MAPKBP1: variants seen among roughly 807,000 people sequenced by gnomAD.
MAPKBP1 encodes the protein mitogen-activated protein kinase binding protein 1.
A neutral mutation model predicts 170.5 loss-of-function variants in MAPKBP1; 71 were observed. That is an observed-to-expected ratio of 0.42 (90% CI 0.34 to 0.51). The LOEUF is 0.51. MAPKBP1 is among the 20% of genes least tolerant of loss of function. MAPKBP1 has a pLI of 0.06. For synonymous variants in MAPKBP1, 719 were observed against 757.9 expected, an observed-to-expected ratio of 0.95 and a Z score of 0.84; for missense variants, 1,598 against 1,933.0, an observed-to-expected ratio of 0.83 and a Z score of 3.25.
chr15:41,821,892 A>T, intron 24 of MAPKBP1, 73 bp from the exon 25 acceptor site: 4 of 1,575,040 alleles, frequency 2.5e-6, no homozygotes, highest in Non-Finnish European at 3.5e-6. Flanking sequence ...CCCTGATCAC[A>T]GGCAGGAGTC....
intron 2 of MAPKBP1, among the ~76,000 whole-genome samples, chr15:41,787,182 A>G (rs965459983): frequency 1.3e-5 from 2 of 152,186 alleles, no homozygotes; most frequent in Admixed American, 1.3e-4. Flanking sequence ...GCTTTGATAA[A>G]TATTTTTTGA....
At chr15:41,797,902 C>T (rs2064518820) in intron 2 of MAPKBP1, among the ~76,000 whole-genome samples, 1 of 152,150 alleles carries the variant, frequency 6.6e-6, no homozygotes. Flanking sequence ...TCGGCCACCA[C>T]AGGGCATTTC....
At chr15:41,776,809 G>A (rs1359512058) in intron 2 of MAPKBP1, among the ~76,000 whole-genome samples, 2 of 152,156 alleles carry the variant, frequency 1.3e-5, no homozygotes, top group Admixed American at 6.6e-5. Flanking sequence ...AAGTATAGTT[G>A]CCATTCTTTA....
chr15:41,783,110 G>T (rs984559207), intron 2 of MAPKBP1, among the ~76,000 whole-genome samples: 12 of 152,312 alleles, frequency 7.9e-5, no homozygotes, highest in African/African-American at 2.6e-4. Context: ...GATTGGTTGG[G>T]GAGTGAAGGG....
At position 41,823,650 on chromosome 15, in the gene MAPKBP1, C is replaced by T. The variant is rs2152084851; in HGVS notation, c.3802C>T (p.Pro1268Ser). 1.9e-6 allele frequency: 3 copies of T among 1,614,194 alleles called. 1 individual carries two copies. The South Asian group carries it at 3.3e-5, about 18-fold the overall frequency. The change falls in exon 29 of 31, where the codon CCT becomes TCT. Residue 1268 changes from proline (P) to serine (S), a missense_variant. Pro to Ser is a moderately conservative substitution (Grantham distance 74). Around this residue, in one of 6 missense-constraint regions of MAPKBP1, gnomAD observed 942 missense variants for 953.2 expected, o/e 0.99. Coordinates refer to ENST00000457542, the MANE Select transcript of MAPKBP1 (RefSeq NM_014994.3). ...GGAGAACCTGGGCCTGGTGGCTGAA[C>T]CTCAAGCTCATGCCCCCATCCGAGT... ...VGENLGLVAE[P>S]QAHAPIRVSP...
In MAPKBP1 at chr15:41,818,122, G is replaced by T. The variant is rs532470910; in HGVS notation, c.1980+38G>T. The T allele has an allele frequency of 5.4e-5, 87 of 1,611,922 alleles. 3 individuals are homozygous for T. In the South Asian group the frequency reaches 9.2e-4, roughly 17 times the overall value. On this transcript the variant is annotated intron_variant, in intron 17 of 30. Coordinates refer to ENST00000457542, the MANE Select transcript of MAPKBP1 (RefSeq NM_014994.3). The surrounding 1 kb of genome is among the most constrained non-coding windows in gnomAD (Gnocchi z 5.2). Reference sequence around the variant, plus strand: ...AGGGGGTACTGGACAGGGGCTCGGGGACAGAGTGGTGCTGGGTGGGAGGGA... The same window carrying T: ...AGGGGGTACTGGACAGGGGCTCGGGTACAGAGTGGTGCTGGGTGGGAGGGA...
rs561851122 is a variant in MAPKBP1, at chr15:41,795,456, G to T, written c.115-4367G>T. On this transcript the variant is annotated intron_variant, in intron 2 of 30. Transcript: ENST00000457542. ...GGGTGTAGGAAATGAGGTCAGAGAGGTAGGTAGCCAGAGGCCTGATGATTT... is the reference window on the plus strand; with the variant it reads ...GGGTGTAGGAAATGAGGTCAGAGAGTTAGGTAGCCAGAGGCCTGATGATTT... Among the ~76,000 whole-genome samples, 89 of 152,222 alleles carry T rather than the reference G, an allele frequency of 5.8e-4. 1 individual carries two copies. In the East Asian group the frequency reaches 7.2e-3, roughly 12 times the overall value.
intron 3 of MAPKBP1, among the ~76,000 whole-genome samples, chr15:41,807,724 C>A (rs1222959113): frequency 1.3e-5 from 2 of 152,168 alleles, no homozygotes; most frequent in African/African-American, 4.8e-5. Flanking sequence ...TCATATACTG[C>A]ATAAAGTATT....
Position 41,774,568 on chromosome 15 carries a change from C to G in MAPKBP1, c.-152C>G. The G allele has an allele frequency of 2.5e-6, 1 of 398,716 alleles. No homozygotes were observed. Among genetic ancestry groups the G allele is most frequent in the Non-Finnish European group, 4.4e-6 (1 of 226,120 alleles). The allele number at this position is 398,716 out of a possible 1,614,324, so 24.7% of individuals were successfully genotyped here. On this transcript the variant is annotated 5_prime_UTR_variant, in exon 1 of 31. Transcript: ENST00000457542. The stretch of plus-strand genomic sequence containing the variant: ...GAGCTGAAATTGCCGAACGCGATGC[C>G]CGAGGGCGCTGTGAGCGGGGTGGCC...
chr15:41,822,153 C>T (rs2065009037), intron 25 of MAPKBP1, 43 bp downstream of exon 25: 1 of 987,596 alleles, frequency 1.0e-6, no homozygotes, highest in Non-Finnish European at 1.5e-6. Context: ...GGGGTGGGGC[C>T]TGGAGGTGGG....
Position 41,811,991 on chromosome 15 carries a change from T to C in MAPKBP1, c.362T>C (p.Val121Ala). ...ATGCCTGCCGTGCGGGTTTGGGACG[T>C]GGCAGAGCACAGCCAGGTGGCCGAG... ...GHMPAVRVWD[V>A]AEHSQVAELQ... The change falls in exon 6 of 31, where the codon GTG becomes GCG. Residue 121 changes from valine (V) to alanine (A), a missense_variant. By Grantham distance (64) the Val-to-Ala change is moderately conservative. Around this residue, in one of 6 missense-constraint regions of MAPKBP1, gnomAD observed 151 missense variants for 191.4 expected, o/e 0.79. Coordinates refer to ENST00000457542, the MANE Select transcript of MAPKBP1 (RefSeq NM_014994.3). 1 of 1,614,142 alleles carries C rather than the reference T, an allele frequency of 6.2e-7. No individual in the cohort carries two copies. The highest frequency in any genetic ancestry group is 8.5e-7 in the Non-Finnish European group (1 of 1,180,020).
rs372905103 is a variant in MAPKBP1 at position 41,778,068 on chromosome 15, T to C, written c.114+2679T>C. Among the ~76,000 whole-genome samples, 6 of 152,356 alleles carry C rather than the reference T, an allele frequency of 3.9e-5. No individual in the cohort carries two copies. In the South Asian group the frequency reaches 6.2e-4, roughly 16 times the overall value. On this transcript the variant is annotated intron_variant, in intron 2 of 30. Coordinates refer to ENST00000457542, the MANE Select transcript of MAPKBP1 (RefSeq NM_014994.3). ...CCCCCACCTTGAAACCAATATCTTA[T>C]TGTTATTTTATGTATGTCTTCATTT...
intron 2 of MAPKBP1, among the ~76,000 whole-genome samples, chr15:41,798,249 C>CAAAAAAAA (rs1241108889): frequency 1.8e-5 from 1 of 56,946 alleles, no homozygotes; most frequent in Admixed American, 2.3e-4. Flanking sequence ...GACTCTGTCT[C>CAAAAAAAA]AAAAAAAAAA....
chr15:41,825,032 T>G (rs1044608777), intron 30 of MAPKBP1, 177 bp from the exon 31 acceptor site: 41 of 572,624 alleles, frequency 7.2e-5, no homozygotes, highest in African/African-American at 6.8e-4. Context: ...GGTTCCTCCT[T>G]GGGCGTCACC....
chr15:41,822,094 G>T lies in MAPKBP1; in HGVS notation c.3015G>T (p.Pro1005=). ...VDYSSSCLSS[P]EHPTEDSEST... is the part of the protein sequence containing the mutation. ...ACAGCAGCAGCTGCCTTTCCAGCCCGGAGCACCCCACTGAAGGTGAGGCTG... is the reference window on the plus strand; with the variant it reads ...ACAGCAGCAGCTGCCTTTCCAGCCCTGAGCACCCCACTGAAGGTGAGGCTG... The change falls in exon 25 of 31, where the codon CCG becomes CCT. Residue 1005 remains proline (P), a synonymous_variant. Transcript: ENST00000457542. 3 of 1,607,128 alleles carry T rather than the reference G, an allele frequency of 1.9e-6. No homozygotes were observed. Among genetic ancestry groups the T allele is most frequent in the African/African-American group, 1.3e-5 (1 of 74,836 alleles).
In MAPKBP1 at chr15:41,825,662, A is replaced by T; in HGVS notation, c.*226A>T. 2.0e-6 allele frequency: 1 copy of T among 497,070 alleles called. No homozygotes were observed. 30.8% of individuals were successfully genotyped at this position (497,070 alleles called of 1,614,324 possible). ...GAACTCCTGCCTCCACAGCCCCTCC[A>T]GTGGCAGGGACAGGTCTTGGGTCTT... On this transcript the variant is annotated 3_prime_UTR_variant, in exon 31 of 31. Transcript: ENST00000457542.
rs1567152814 is a variant in MAPKBP1, at chr15:41,818,634, C to T, written c.2156+52C>T. Reference sequence around the variant, plus strand: ...GGCAGATTCTTACTCTGCCACAGCACCCTGCCCTCCCCTCTCTCCATTTCA... The same window carrying T: ...GGCAGATTCTTACTCTGCCACAGCATCCTGCCCTCCCCTCTCTCCATTTCA... On this transcript the variant is annotated intron_variant, in intron 19 of 30. Coordinates refer to ENST00000457542, the MANE Select transcript of MAPKBP1 (RefSeq NM_014994.3). The surrounding 1 kb of genome is among the most constrained non-coding windows in gnomAD (Gnocchi z 5.2). The T allele has an allele frequency of 1.0e-5, 16 of 1,545,424 alleles. No individual in the cohort carries two copies. In the East Asian group the frequency reaches 3.4e-4, roughly 33 times the overall value.
rs745981768 is a variant in MAPKBP1 at position 41,819,585 on chromosome 15, T to C, written c.2426-10T>C. ...GGAGACACTTCCTCTGACTGCCTGTTTCTGTCTAGCCTCGGTCCCCAGCCC... is the reference window on the plus strand; with the variant it reads ...GGAGACACTTCCTCTGACTGCCTGTCTCTGTCTAGCCTCGGTCCCCAGCCC... On this transcript the variant is annotated splice_polypyrimidine_tract_variant and intron_variant, in intron 21 of 30. Transcript: ENST00000457542. 2 of 1,590,566 alleles carry C rather than the reference T, an allele frequency of 1.3e-6. No homozygotes were observed. Among genetic ancestry groups the C allele is most frequent in the East Asian group, 4.5e-5 (2 of 44,826 alleles).
chr15:41,819,549 G>A (rs60875657), intron 21 of MAPKBP1, 46 bp from the exon 22 acceptor site: 5 of 1,448,734 alleles, frequency 3.5e-6, no homozygotes, highest in African/African-American at 2.1e-5. Context: ...TTGGGTGGCG[G>A]GGGGGGGGCA....
Sources: gnomAD v4.1 joint callset for allele counts (sites outside exome capture counted in the v4.1 genomes callset) on GRCh38, gnomAD v4.1.1 for gene constraint, gnomAD v4.1.1 regional missense constraint, Gnocchi (gnomAD v3.1) non-coding constraint, MANE v1.5 for transcripts, NCBI Gene and HGNC (gene_info 2026-07-23, HGNC 2026-07-21) for gene names.